The following CA10 variants were observed in gnomAD, a reference collection of about 807,000 sequenced individuals.
CA10 encodes carbonic anhydrase-related protein 10.
Under a neutral mutation model 44.2 loss-of-function variants are expected in CA10, and 14 were observed. The observed-to-expected ratio is 0.32, with a 90% confidence interval of 0.21 to 0.50. CA10 has a LOEUF of 0.50. Among genes scored for constraint, CA10 ranks in the 20% least tolerant of loss-of-function variants. The probability of loss-of-function intolerance (pLI) is 0.99; values close to 1 mark genes in which losing one functional copy is unlikely to be tolerated. For synonymous variants in CA10, 159 were observed against 141.6 expected (o/e 1.12, Z -0.87); for missense variants, 350 against 409.7 (o/e 0.85, Z 1.26).
intron 1 of CA10, among the ~76,000 whole-genome samples, chr17:52,098,876 C>T (rs1295979246): frequency 6.6e-6 from 1 of 152,174 alleles, no homozygotes; most frequent in Non-Finnish European, 1.5e-5. Flanking sequence ...TTCATTCATT[C>T]CTTCAACAAA....
At chr17:51,876,438 C>A (rs1404122405) in intron 3 of CA10, among the ~76,000 whole-genome samples, 1 of 151,386 alleles carries the variant, frequency 6.6e-6, no homozygotes, top group Non-Finnish European at 1.5e-5. Flanking sequence ...CTGCCTTGGC[C>A]TCTCAGAGTG....
At chr17:52,049,613 T>A in intron 2 of CA10, among the ~76,000 whole-genome samples, 1 of 152,102 alleles carries the variant, frequency 6.6e-6, no homozygotes, top group Non-Finnish European at 1.5e-5. Flanking sequence ...ATCTTTTGTT[T>A]GAAAGCTATA....
intron 3 of CA10, among the ~76,000 whole-genome samples, chr17:51,826,891 C>T (rs968731024): frequency 6.6e-6 from 1 of 152,240 alleles, no homozygotes; most frequent in Non-Finnish European, 1.5e-5. Context: ...AAGGCAGTGA[C>T]AGCCAGTGCT....
At chr17:51,868,593 A>C (rs1979657717) in intron 3 of CA10, among the ~76,000 whole-genome samples, 1 of 152,174 alleles carries the variant, frequency 6.6e-6, no homozygotes, top group Admixed American at 6.5e-5. Flanking sequence ...TAAACTCCAC[A>C]GAGTTGTGGC....
chr17:52,117,530 C>A (rs533840485), intron 1 of CA10, among the ~76,000 whole-genome samples: 1 of 152,242 alleles, frequency 6.6e-6, no homozygotes, highest in African/African-American at 2.4e-5. Flanking sequence ...GGATCTTCTT[C>A]TGTCTGTGTA....
intron 3 of CA10, among the ~76,000 whole-genome samples, chr17:51,825,070 G>A (rs957074409): frequency 6.6e-6 from 1 of 152,218 alleles, no homozygotes; most frequent in African/African-American, 2.4e-5. Context: ...AATCTAGCAA[G>A]AGGAAGCGTA....
Position 52,084,417 on chromosome 17 carries a change from G to A in CA10, c.62-12024C>T, listed in dbSNP as rs371005708. 9.9e-5 allele frequency among the ~76,000 whole-genome samples: 15 copies of A among 150,972 alleles called. No homozygotes were observed. The South Asian group carries it at 3.2e-3, about 32-fold the overall frequency. On this transcript the variant is annotated intron_variant, in intron 1 of 8. Coordinates refer to ENST00000451037, the MANE Select transcript of CA10 (RefSeq NM_020178.5). ...GACAGGTGCTGTCACATACTTATAA[G>A]TGGTAGAGCCAGTGAATTATGACCA...
intron 2 of CA10, among the ~76,000 whole-genome samples, chr17:51,952,534 G>A (rs1305297907): frequency 2.8e-5 from 4 of 140,846 alleles, no homozygotes; most frequent in African/African-American, 1.1e-4. Flanking sequence ...CAGCCTGGGT[G>A]ACAGAGAGGG....
At chr17:51,882,492 A>G (rs1054673273) in intron 3 of CA10, among the ~76,000 whole-genome samples, 1 of 152,206 alleles carries the variant, frequency 6.6e-6, no homozygotes, top group African/African-American at 2.4e-5. Context: ...CATCTTCCAG[A>G]TTCAAAAGAT....
intron 1 of CA10, among the ~76,000 whole-genome samples, chr17:52,134,407 C>T (rs1428936975): frequency 3.3e-5 from 5 of 152,116 alleles, no homozygotes; most frequent in Non-Finnish European, 5.9e-5. Context: ...CTAGCTCATC[C>T]ACCCACAAGC....
intron 4 of CA10, among the ~76,000 whole-genome samples, chr17:51,730,530 C>G (rs1412791343): frequency 6.6e-6 from 1 of 152,172 alleles, no homozygotes; most frequent in Non-Finnish European, 1.5e-5. Context: ...GCGAGTCATG[C>G]TATAGCTAAG....
intron 4 of CA10, among the ~76,000 whole-genome samples, chr17:51,737,222 T>C (rs1325573238): frequency 6.6e-6 from 1 of 152,126 alleles, no homozygotes; most frequent in Non-Finnish European, 1.5e-5. Flanking sequence ...AGGTTTCTGT[T>C]CCTTGAATAT....
At chr17:51,980,902 T>C (rs1984631566) in intron 2 of CA10, among the ~76,000 whole-genome samples, 1 of 152,100 alleles carries the variant, frequency 6.6e-6, no homozygotes, top group Admixed American at 6.6e-5. Context: ...TATTTACAAC[T>C]AGACAACATG....
chr17:52,146,548 G>A (rs1162939920), intron 1 of CA10, among the ~76,000 whole-genome samples: 1 of 151,966 alleles, frequency 6.6e-6, no homozygotes, highest in African/African-American at 2.4e-5. Flanking sequence ...AAATCAGCCG[G>A]CCGTGGTGGC....
rs138620002 is a variant in CA10, at chr17:51,868,883, GTT to G, written c.279+62105_279+62106del. Among the ~76,000 whole-genome samples, 499 of 148,662 alleles carry G rather than the reference GTT, an allele frequency of 3.4e-3. 3 individuals are homozygous for G. The highest frequency in any genetic ancestry group is 0.012 in the African/African-American group (486 of 40,302). On this transcript the variant is annotated intron_variant, in intron 3 of 8. Transcript: ENST00000451037. The stretch of plus-strand genomic sequence containing the variant: ...ATTCAAGTTAGCTATGAAGCCAAAA[GTT>G]TTTTTGTTTTTTTTTTTTTACAAAA...
intron 6 of CA10, among the ~76,000 whole-genome samples, chr17:51,646,165 A>G (rs1341449427): frequency 1.3e-5 from 2 of 152,238 alleles, no homozygotes; most frequent in Non-Finnish European, 2.9e-5. Context: ...TGATACAGCC[A>G]TTAAATGTGT....
chr17:51,747,529 G>T, intron 4 of CA10, 104 bp downstream of exon 4: 1 of 934,994 alleles, frequency 1.1e-6, no homozygotes, highest in Non-Finnish European at 1.6e-6. Flanking sequence ...TCATTTCATA[G>T]ATTAGAGCGA....
chr17:51,779,617 C>T (rs2143674074), intron 3 of CA10, among the ~76,000 whole-genome samples: 2 of 152,280 alleles, frequency 1.3e-5, no homozygotes, highest in East Asian at 3.9e-4. Flanking sequence ...TGACCCCAAA[C>T]CTCTGTGGCT....
intron 3 of CA10, among the ~76,000 whole-genome samples, chr17:51,867,326 G>A (rs1407158709): frequency 6.6e-6 from 1 of 152,166 alleles, no homozygotes; most frequent in African/African-American, 2.4e-5. Context: ...GGGTCTAAAA[G>A]TGCCTAAATA....
Sources: allele counts gnomAD v4.1 joint callset (sites outside exome capture counted in the v4.1 genomes callset), GRCh38; gene constraint gnomAD v4.1.1; transcripts MANE v1.5; gene names NCBI Gene and HGNC (gene_info 2026-07-23, HGNC 2026-07-21).